MAP4: variants seen among roughly 807,000 people sequenced by gnomAD.
MAP4 encodes the protein microtubule-associated protein 4.
A neutral mutation model predicts 170.2 loss-of-function variants in MAP4; 76 were observed. That is an observed-to-expected ratio of 0.45 (90% CI 0.37 to 0.54). MAP4 has a LOEUF of 0.54. Among genes scored for constraint, MAP4 ranks in the 20% least tolerant of loss-of-function variants. The probability of loss-of-function intolerance (pLI) is 0.00; values close to 1 mark genes in which losing one functional copy is unlikely to be tolerated. For missense variants in MAP4, 2,506 were observed against 2,748.0 expected (o/e 0.91, Z 1.97); for synonymous variants, 909 against 994.5 (o/e 0.91, Z 1.62).
chr3:47,938,586 A>G (rs547464593), intron 3 of MAP4, among the ~76,000 whole-genome samples: 29 of 152,150 alleles, frequency 1.9e-4, no homozygotes, highest in Non-Finnish European at 4.1e-4. Context: ...GTCTCCATAC[A>G]TTGCCCAGGC....
intron 1 of MAP4, among the ~76,000 whole-genome samples, chr3:48,075,996 A>G (rs2100143709): frequency 6.6e-6 from 1 of 151,456 alleles, no homozygotes; most frequent in Admixed American, 6.6e-5. Context: ...AAAAAAAGAA[A>G]CAAAGAAAAA....
intron 1 of MAP4, among the ~76,000 whole-genome samples, chr3:47,999,317 G>GAGT (rs2100097932): frequency 1.3e-5 from 2 of 152,052 alleles, no homozygotes; most frequent in Admixed American, 1.3e-4. Flanking sequence ...ATCTTGGAGT[G>GAGT]AGTACCTGCT....
At chr3:47,988,104 G>A (rs1003629665) in intron 2 of MAP4, among the ~76,000 whole-genome samples, 1 of 151,832 alleles carries the variant, frequency 6.6e-6, no homozygotes, top group African/African-American at 2.4e-5. Flanking sequence ...TGAGGCAGGA[G>A]AATGGCGTGA....
rs35700801 is a variant in MAP4, at chr3:47,880,259, ATT to A, written c.5435-2738_5435-2737del. 5.2e-3 allele frequency among the ~76,000 whole-genome samples: 551 copies of A among 106,354 alleles called. 1 individual carries two copies. Among genetic ancestry groups the A allele is most frequent in the South Asian group, 0.032 (104 of 3,296 alleles). 69.8% of individuals were successfully genotyped at this position (106,354 alleles called of 152,430 possible). A position where few individuals can be genotyped will look rare whatever the true frequency, so the allele number is the denominator to read the frequency against. Reference sequence around the variant, plus strand: ...CAGTACCCGCCACCACACCTGGCTAATTTTTTTTTTTTTTTTTTTTTTGCATT... The same window carrying A: ...CAGTACCCGCCACCACACCTGGCTAATTTTTTTTTTTTTTTTTTTTGCATT... On this transcript the variant is annotated intron_variant, in intron 10 of 20. Coordinates refer to ENST00000683076, the MANE Select transcript of MAP4 (RefSeq NM_001385682.1).
intron 12 of MAP4, 33 bp downstream of exon 12, chr3:47,875,652 T>C (rs2095115798): frequency 1.3e-6 from 2 of 1,577,462 alleles, no homozygotes; most frequent in East Asian, 2.3e-5. Flanking sequence ...GGGGAACAAT[T>C]TTCCTCGGCA....
At chr3:47,881,556 T>C (rs2096773749) in intron 10 of MAP4, among the ~76,000 whole-genome samples, 1 of 147,168 alleles carries the variant, frequency 6.8e-6, no homozygotes, top group South Asian at 2.1e-4. Context: ...GATATATTTC[T>C]TTCCATCTTT....
chr3:47,979,494 C>T (rs995983464), intron 2 of MAP4, among the ~76,000 whole-genome samples: 6 of 152,252 alleles, frequency 3.9e-5, no homozygotes, highest in South Asian at 2.1e-4. Context: ...CTCTCTCTGT[C>T]GCCCAGGCTG....
At chr3:47,906,144 T>C (rs1234693829) in intron 9 of MAP4, among the ~76,000 whole-genome samples, 2 of 151,000 alleles carry the variant, frequency 1.3e-5, no homozygotes, top group Non-Finnish European at 2.9e-5. Flanking sequence ...TTTGTCTATG[T>C]TGAGGGTGGG....
chr3:47,926,612 G>A (rs2100046139), intron 4 of MAP4, among the ~76,000 whole-genome samples: 1 of 152,164 alleles, frequency 6.6e-6, no homozygotes, highest in Non-Finnish European at 1.5e-5. Context: ...CTAGGTAACT[G>A]CAGCTTTGAA....
At chr3:47,944,088 G>A (rs1310411903) in intron 3 of MAP4, among the ~76,000 whole-genome samples, 1 of 151,858 alleles carries the variant, frequency 6.6e-6, no homozygotes, top group African/African-American at 2.4e-5. Flanking sequence ...GAGGCAGGTG[G>A]ATCACAAGGT....
upstream of MAP4, among the ~76,000 whole-genome samples, chr3:48,019,444 C>T (rs1215065540): frequency 6.6e-5 from 10 of 152,104 alleles, no homozygotes; most frequent in Non-Finnish European, 1.5e-5. Flanking sequence ...TATTAAATCT[C>T]TATAGTTATC....
intron 18 of MAP4, among the ~76,000 whole-genome samples, chr3:47,857,179 C>CCA (rs2057985115): frequency 6.6e-6 from 1 of 152,312 alleles, no homozygotes. Context: ...CTCAATAGTT[C>CCA]CACACACACA....
chr3:47,961,456 G>C (rs1333035091), intron 3 of MAP4, among the ~76,000 whole-genome samples: 2 of 152,162 alleles, frequency 1.3e-5, no homozygotes, highest in Admixed American at 6.5e-5. Context: ...TGACATAGCT[G>C]TATCTTGTTA....
chr3:47,952,075 G>A (rs1398274701), intron 3 of MAP4, among the ~76,000 whole-genome samples: 2 of 147,928 alleles, frequency 1.4e-5, no homozygotes, highest in Non-Finnish European at 3.0e-5. Flanking sequence ...GTCTCTGCCC[G>A]GCCGCCCCGT....
At chr3:47,972,556 T>C (rs890908858) in intron 3 of MAP4, among the ~76,000 whole-genome samples, 2 of 152,220 alleles carry the variant, frequency 1.3e-5, no homozygotes, top group African/African-American at 4.8e-5. Context: ...TTAACTTTTA[T>C]AATTCTGGAT....
intron 2 of MAP4, among the ~76,000 whole-genome samples, chr3:47,988,193 C>CAA (rs769431827): frequency 9.5e-5 from 7 of 73,948 alleles, no homozygotes; most frequent in Non-Finnish European, 1.4e-4. Flanking sequence ...GACTCCGTCT[C>CAA]AAAAAAAAAA....
chr3:48,044,521 G>A (rs2100123374), intron 1 of MAP4, among the ~76,000 whole-genome samples: 1 of 151,410 alleles, frequency 6.6e-6, no homozygotes, highest in African/African-American at 2.4e-5. Context: ...TCCCAGCACT[G>A]GGAGGCCGAG....
chr3:47,855,234 G>A lies in MAP4; in HGVS notation c.6696+14C>T. On this transcript the variant is annotated intron_variant, in intron 19 of 20. Transcript: ENST00000683076. This position sits in a 1 kb window ranked among gnomAD's most constrained non-coding sequence, Gnocchi z 5.1. Reference sequence around the variant, plus strand: ...CCCTCCCCAGCTGTGTCTCCCCAGTGACCCACTCGCTACCTTCACAGCACC... The same window carrying A: ...CCCTCCCCAGCTGTGTCTCCCCAGTAACCCACTCGCTACCTTCACAGCACC... The A allele has an allele frequency of 6.3e-7, 1 of 1,590,954 alleles. No homozygotes were observed. Among genetic ancestry groups the A allele is most frequent in the African/African-American group, 1.3e-5 (1 of 74,488 alleles).
intron 17 of MAP4, among the ~76,000 whole-genome samples, chr3:47,863,159 A>G (rs1328355114): frequency 6.6e-6 from 1 of 152,070 alleles, no homozygotes; most frequent in East Asian, 1.9e-4. Flanking sequence ...TACTTTTAAT[A>G]GAGACGGGGT....
Sources: gnomAD v4.1 joint callset for allele counts (sites outside exome capture counted in the v4.1 genomes callset) on GRCh38, gnomAD v4.1.1 for gene constraint, Gnocchi (gnomAD v3.1) non-coding constraint, MANE v1.5 for transcripts, NCBI Gene and HGNC (gene_info 2026-07-23, HGNC 2026-07-21) for gene names.